Variants in ART3 observed in about 807,000 individuals in gnomAD.
ART3 encodes ADP-ribosyltransferase 3 (inactive).
ART3 carries 49 observed loss-of-function variants against 48.5 expected under a neutral mutation model. That is an observed-to-expected ratio of 1.01 (90% CI 0.80 to 1.28). The LOEUF (loss-of-function observed/expected upper bound fraction) is 1.28, where lower values mean the gene tolerates loss of function less well. ART3 is among the 50% of genes most tolerant of loss of function. The pLI, the probability that ART3 is intolerant of heterozygous loss-of-function variation, is 0.00. For missense variants in ART3, 438 were observed against 454.3 expected (o/e 0.96, Z 0.33); for synonymous variants, 145 against 157.2 (o/e 0.92, Z 0.58).
rs533892305 is a variant in ART3 at position 76,044,980 on chromosome 4, A to T, written c.-9-30901A>T. 9.8e-4 allele frequency among the ~76,000 whole-genome samples: 149 copies of T among 152,174 alleles called. 1 individual carries two copies. Among genetic ancestry groups the T allele is most frequent in the Middle Eastern group, 6.8e-3 (2 of 294 alleles). ...TTGCAGCATGGGCATGTAGGATTAG[A>T]TAAGCATACTTGTTATCTGTATACA... On this transcript the variant is annotated intron_variant, in intron 1 of 9. Coordinates refer to the ART3 transcript ENST00000341029.
intron 3 of ART3, among the ~76,000 whole-genome samples, chr4:76,096,526 G>A (rs756242383): frequency 3.2e-4 from 48 of 152,298 alleles, no homozygotes; most frequent in Non-Finnish European, 5.6e-4. Flanking sequence ...TAGTGTGTTC[G>A]CCAGGTATGA....
At chr4:76,022,576 A>G (rs962091812) in intron 1 of ART3, 5 of 1,478,750 alleles carry the variant, frequency 3.4e-6, no homozygotes, top group South Asian at 1.2e-5. Context: ...TTTGCTGTAC[A>G]TTAGTTTTAG....
At chr4:76,022,244 G>A in intron 1 of ART3, 1 of 785,578 alleles carries the variant, frequency 1.3e-6, no homozygotes, top group South Asian at 1.5e-5. Flanking sequence ...GGTAGGGGAG[G>A]GCGTGGTGGT....
Position 76,112,471 on chromosome 4 carries a change from C to G in ART3, c.1122C>G (p.Val374=). 1 of 1,613,580 alleles carries G rather than the reference C, an allele frequency of 6.2e-7. No homozygotes were observed. Among genetic ancestry groups the G allele is most frequent in the Non-Finnish European group, 8.5e-7 (1 of 1,179,540 alleles). Residue 374 remains valine, a synonymous_variant, in exon 12 of 12, where the codon GTC becomes GTG. Coordinates refer to ENST00000355810, the MANE Select transcript of ART3 (RefSeq NM_001130016.3). ...TGCTGCTTCCACAGTTTGGGATGGT[C>G]ATCATTTTAATCAGTGTTTCTGCTA... ...GKLLLPQFGM[V]IILISVSAIN...
intron 10 of ART3, chr4:76,106,307 T>TG: frequency 1.0e-6 from 1 of 985,416 alleles, no homozygotes; most frequent in East Asian, 1.1e-4. Context: ...AATATTTCTA[T>TG]GCTAGGCACA....
upstream of ART3, among the ~76,000 whole-genome samples, chr4:76,074,105 T>C (rs1455958035): frequency 4.6e-5 from 7 of 152,220 alleles, no homozygotes; most frequent in Admixed American, 3.3e-4. Flanking sequence ...TCAGTATATT[T>C]ACCATGTATG....
At chr4:76,053,608 G>A (rs1736342136) in intron 1 of ART3, among the ~76,000 whole-genome samples, 1 of 152,072 alleles carries the variant, frequency 6.6e-6, no homozygotes, top group Admixed American at 6.6e-5. Context: ...ATTTCCACAG[G>A]AATTCAGAAG....
chr4:76,086,064 C>T (rs1578490086), intron 3 of ART3, among the ~76,000 whole-genome samples: 1 of 147,726 alleles, frequency 6.8e-6, no homozygotes, highest in East Asian at 2.0e-4. Context: ...AAGAGTCCCC[C>T]CCCCCGCTCC....
rs908491286 is a variant in ART3 at position 76,112,639 on chromosome 4, T to C, written c.*120T>C. ...CCAAAGTCACTGGATAAAATGAGAA[T>C]TGTATATTTGTTATTCATTTTGCAA... On this transcript the variant is annotated 3_prime_UTR_variant, in exon 12 of 12. Coordinates refer to ENST00000355810, the MANE Select transcript of ART3 (RefSeq NM_001130016.3). The C allele has an allele frequency of 4.2e-6, 5 of 1,177,312 alleles. No homozygotes were observed. Among genetic ancestry groups the C allele is most frequent in the East Asian group, 2.6e-5 (1 of 37,878 alleles). 72.9% of individuals were successfully genotyped at this position (1,177,312 alleles called of 1,614,324 possible).
chr4:76,065,113 T>C (rs1357236159), intron 1 of ART3, among the ~76,000 whole-genome samples: 1 of 152,058 alleles, frequency 6.6e-6, no homozygotes, highest in Non-Finnish European at 1.5e-5. Flanking sequence ...ATCACAGGCG[T>C]GAGTAATGGT....
In ART3 at chr4:76,052,714, C is replaced by CTTTTTT. The variant is rs10644249; in HGVS notation, c.-9-23167_-9-23166insTTTTTT. On this transcript the variant is annotated intron_variant, in intron 1 of 9. Transcript: ENST00000341029. Reference sequence around the variant, plus strand: ...CATGCGTGTACCCAATTTCTTTTTTCCTTCTTTTTTTTTTTTTTAAGACAG... The same window carrying CTTTTTT: ...CATGCGTGTACCCAATTTCTTTTTTCTTTTTTCTTCTTTTTTTTTTTTTTAAGACAG... Among the ~76,000 whole-genome samples, 17 of 142,636 alleles carry CTTTTTT rather than the reference C, an allele frequency of 1.2e-4. 3 individuals are homozygous for CTTTTTT. Among genetic ancestry groups the CTTTTTT allele is most frequent in the East Asian group, 2.3e-4 (1 of 4,350 alleles). 93.6% of individuals were successfully genotyped at this position (142,636 alleles called of 152,430 possible).
chr4:76,104,467 A>G, intron 9 of ART3, 130 bp from the exon 10 acceptor site: 1 of 1,477,026 alleles, frequency 6.8e-7, no homozygotes, highest in South Asian at 1.4e-5. Flanking sequence ...GAACTTTTAA[A>G]TAAAAAGCCA....
chr4:76,053,025 A>T (rs948979409), intron 1 of ART3, among the ~76,000 whole-genome samples: 4 of 152,170 alleles, frequency 2.6e-5, no homozygotes, highest in Non-Finnish European at 5.9e-5. Context: ...CCCTGCACCC[A>T]GCTGGTGTGT....
intron 1 of ART3, chr4:76,034,190 G>A (rs1171293854): frequency 5.6e-6 from 2 of 359,826 alleles, no homozygotes; most frequent in Admixed American, 4.6e-5. Context: ...CCTACATATT[G>A]ATGTGCTACA....
At chr4:76,102,347 T>C (rs1327839575) in intron 8 of ART3, among the ~76,000 whole-genome samples, 2 of 152,198 alleles carry the variant, frequency 1.3e-5, no homozygotes, top group African/African-American at 4.8e-5. Flanking sequence ...TCTTAGAAGT[T>C]CAGACAACTT....
intron 1 of ART3, among the ~76,000 whole-genome samples, chr4:76,060,653 A>G (rs1578369590): frequency 1.3e-5 from 2 of 152,180 alleles, no homozygotes; most frequent in Non-Finnish European, 2.9e-5. Context: ...CATTGGGTGG[A>G]CCCACTGTAA....
chr4:76,104,644 G>C lies in ART3; in HGVS notation c.1003+15G>C. The C allele has an allele frequency of 6.4e-7, 1 of 1,551,506 alleles. No individual in the cohort carries two copies. Among genetic ancestry groups the C allele is most frequent in the Non-Finnish European group, 8.7e-7 (1 of 1,146,866 alleles). On this transcript the variant is annotated intron_variant, in intron 10 of 11. Transcript: ENST00000355810. ...TCCACTACCTGGTAAGCAACTGATA[G>C]GCATGCCAGAGGGGAACATGCCAGT... is the stretch of plus-strand genomic sequence containing the variant.
At chr4:76,107,571 A>G in intron 10 of ART3, 190 bp from the exon 11 acceptor site, 1 of 395,372 alleles carries the variant, frequency 2.5e-6, no homozygotes, top group Non-Finnish European at 4.7e-6. Context: ...ATGGGAAAAA[A>G]AATTCAAAGA....
upstream of ART3, among the ~76,000 whole-genome samples, chr4:76,070,985 CTT>C (rs1267791631): frequency 1.3e-5 from 2 of 151,866 alleles, no homozygotes; most frequent in East Asian, 1.9e-4. Context: ...TCTACCCTCT[CTT>C]TGCTATATTA....
Sources: allele counts gnomAD v4.1 joint callset (sites outside exome capture counted in the v4.1 genomes callset), GRCh38; gene constraint gnomAD v4.1.1; transcripts MANE v1.5; gene names NCBI Gene and HGNC (gene_info 2026-07-23, HGNC 2026-07-21).